The following NEK2 variants were observed in gnomAD, a reference collection of about 807,000 sequenced individuals.
NEK2 encodes serine/threonine-protein kinase Nek2.
Under a neutral mutation model 54.1 loss-of-function variants are expected in NEK2, and 28 were observed. The observed-to-expected ratio is 0.52, with a 90% confidence interval of 0.38 to 0.71. NEK2 has a LOEUF of 0.71. NEK2 is among the 30% of genes least tolerant of loss of function. The pLI is 0.00. For synonymous variants in NEK2, 176 were observed against 193.1 expected (o/e 0.91, Z 0.73); for missense variants, 407 against 531.5 (o/e 0.77, Z 2.30).
intron 7 of NEK2, 28 bp downstream of exon 7, chr1:211,667,078 C>T: frequency 6.2e-7 from 1 of 1,613,184 alleles, no homozygotes; most frequent in Non-Finnish European, 8.5e-7. Flanking sequence ...GTAGCACCAG[C>T]TTCTGTTGAC....
chr1:211,668,264 G>A (rs954652707), intron 6 of NEK2, among the ~76,000 whole-genome samples: 1 of 152,096 alleles, frequency 6.6e-6, no homozygotes, highest in Non-Finnish European at 1.5e-5. Context: ...TCACAAATAC[G>A]ACCCCATCTC....
rs56362323 is a variant in NEK2 at position 211,675,584 on chromosome 1, G to A, written c.-105C>T. On this transcript the variant is annotated 5_prime_UTR_variant, in exon 1 of 8. Coordinates refer to ENST00000366999, the MANE Select transcript of NEK2 (RefSeq NM_002497.4). ...GGGACCTGGATGGAGAAGCCCCCGAGCAGCACTGACCCGCCACCCCTGCCT... is the reference window on the plus strand; with the variant it reads ...GGGACCTGGATGGAGAAGCCCCCGAACAGCACTGACCCGCCACCCCTGCCT... 5 of 897,208 alleles carry A rather than the reference G, an allele frequency of 5.6e-6. No individual in the cohort carries two copies. The highest frequency in any genetic ancestry group is 8.9e-6 in the Non-Finnish European group (5 of 562,246). The allele number at this position is 897,208 out of a possible 1,614,324, so 55.6% of individuals were successfully genotyped here.
chr1:211,673,383 C>T, intron 3 of NEK2, 100 bp downstream of exon 3: 1 of 1,469,058 alleles, frequency 6.8e-7, no homozygotes, highest in African/African-American at 1.4e-5. Context: ...CACTGCACTC[C>T]AGCCTGGGCA....
intron 7 of NEK2, among the ~76,000 whole-genome samples, chr1:211,665,017 A>G (rs568519978): frequency 1.3e-5 from 2 of 152,350 alleles, no homozygotes; most frequent in African/African-American, 2.4e-5. Flanking sequence ...GGACAGTTTT[A>G]TAAGAAAGAA....
At chr1:211,661,277 A>G (rs1655011780), downstream of NEK2, 3 of 613,686 alleles carry the variant, frequency 4.9e-6, no homozygotes, top group East Asian at 6.6e-5. Context: ...AAAGGGCTCT[A>G]TTCCTGGATG....
chr1:211,666,798 CA>C lies in NEK2; in HGVS notation c.1111+307del, dbSNP rs902314612. The stretch of plus-strand genomic sequence containing the variant: ...TGGGCTACAGAGTGAGACTCCATCT[CA>C]AAAAAAATAAAAAAATAAATAATGA... On this transcript the variant is annotated intron_variant, in intron 7 of 7. Transcript: ENST00000366999. 318 of 771,576 alleles carry C rather than the reference CA, an allele frequency of 4.1e-4. 1 individual carries two copies. Among genetic ancestry groups the C allele is most frequent in the Middle Eastern group, 3.7e-3 (6 of 1,612 alleles). The allele number at this position is 771,576 out of a possible 1,614,324, so 47.8% of individuals were successfully genotyped here.
intron 7 of NEK2, among the ~76,000 whole-genome samples, chr1:211,664,002 T>G (rs1655096186): frequency 6.6e-6 from 1 of 152,090 alleles, no homozygotes; most frequent in Non-Finnish European, 1.5e-5. Context: ...ATAAGTGCCA[T>G]TCTATGCAGA....
rs1340540217 is a variant in NEK2, at chr1:211,668,978, T to C, written c.985+135A>G. 14 of 788,620 alleles carry C rather than the reference T, an allele frequency of 1.8e-5. No individual in the cohort carries two copies. The East Asian group carries it at 3.4e-4, about 19-fold the overall frequency. 48.9% of individuals were successfully genotyped at this position (788,620 alleles called of 1,614,324 possible). Reference sequence around the variant, plus strand: ...ATTAAAAAGTCTAAAATACATATTTTGGTTTCTCAAGTATTTTTCAAAAGC... The same window carrying C: ...ATTAAAAAGTCTAAAATACATATTTCGGTTTCTCAAGTATTTTTCAAAAGC... On this transcript the variant is annotated intron_variant, in intron 6 of 7. Transcript: ENST00000366999.
chr1:211,663,572 C>T lies in NEK2; in HGVS notation c.1192G>A (p.Glu398Lys), dbSNP rs1655081644. The T allele has an allele frequency of 6.2e-7, 1 of 1,613,880 alleles. No homozygotes were observed. The highest frequency in any genetic ancestry group is 1.1e-5 in the South Asian group (1 of 91,076). The change falls in exon 8 of 8, where the codon GAG becomes AAG. Residue 398 changes from glutamate (E) to lysine (K), a missense_variant. Physicochemically the swap from Glu to Lys is moderately conservative, Grantham distance 56. Transcript: ENST00000366999. ...GESKENIMRS[E>K]NSESQLTSKS... ...GATGTGAGCTGACTCTCAGAATTCT[C>T]ACTCCTCATGATGTTCTCTTTACTT... is the stretch of plus-strand genomic sequence containing the variant.
chr1:211,660,968 G>A (rs370170331), downstream of NEK2: 1 of 745,536 alleles, frequency 1.3e-6, no homozygotes, highest in South Asian at 1.4e-5. Flanking sequence ...AAGAAAGCTT[G>A]CAGCAGTTCC....
In NEK2 at chr1:211,669,321, T is replaced by C. The variant is rs1401501637; in HGVS notation, c.777A>G (p.Arg259=). The change falls in exon 6 of 8, where the codon CGA becomes CGG. Residue 259 remains arginine (R), a synonymous_variant. Coordinates refer to ENST00000366999, the MANE Select transcript of NEK2 (RefSeq NM_002497.4). ...TRMLNLKDYH[R]PSVEEILENP... ...TCTCAAGAATTTCTTCAACAGAAGG[T>C]CGATGGTAATCCTGGGGAAAAAATA... 6.2e-7 allele frequency: 1 copy of C among 1,613,936 alleles called. No homozygotes were observed. The highest frequency in any genetic ancestry group is 1.3e-5 in the African/African-American group (1 of 74,928).
intron 7 of NEK2, chr1:211,666,900 C>A: frequency 2.3e-6 from 3 of 1,326,918 alleles, no homozygotes; most frequent in Non-Finnish European, 2.9e-6. Flanking sequence ...TTCTATGACT[C>A]ATTGCCTCAG....
Position 211,670,426 on chromosome 1 carries a change from A to C in NEK2, c.639-19T>G. 6.3e-7 allele frequency: 1 copy of C among 1,593,848 alleles called. No homozygotes were observed. The highest frequency in any genetic ancestry group is 8.5e-7 in the Non-Finnish European group (1 of 1,173,978). The stretch of plus-strand genomic sequence containing the variant: ...TGGAGGCCTAGGGTTAAAAAAGAAG[A>C]AGAAGACGACGAAGACATTTTCAAA... On this transcript the variant is annotated intron_variant, in intron 4 of 7. Coordinates refer to ENST00000366999, the MANE Select transcript of NEK2 (RefSeq NM_002497.4).
downstream of NEK2, chr1:211,660,944 C>A: frequency 2.7e-6 from 2 of 746,272 alleles, no homozygotes; most frequent in South Asian, 2.7e-5. Flanking sequence ...TCCGTGATGT[C>A]ATCTACCACG....
rs1325481599 is a variant in NEK2 at position 211,673,708 on chromosome 1, T to C, written c.330A>G (p.Glu110=). Residue 110 remains glutamate, a synonymous_variant, in exon 3 of 8, where the codon GAA becomes GAG. Transcript: ENST00000366999. The part of the protein sequence containing the change: ...KGTKERQYLD[E]EFVLRVMTQL... ...GAGTCATCACTCGAAGAACAAACTC[T>C]TCATCTAAGTATTGCCTAAAACCAA... The C allele has an allele frequency of 6.2e-7, 1 of 1,614,054 alleles. No homozygotes were observed. Among genetic ancestry groups the C allele is most frequent in the Non-Finnish European group, 8.5e-7 (1 of 1,179,922 alleles).
Position 211,671,230 on chromosome 1 carries a change from A to G in NEK2, c.610T>C (p.Cys204Arg), listed in dbSNP as rs2102445251. The change falls in exon 4 of 8, where the codon TGC becomes CGC. Residue 204 changes from cysteine (C) to arginine (R), a missense_variant. By Grantham distance (180) the Cys-to-Arg change is radical. Coordinates refer to ENST00000366999, the MANE Select transcript of NEK2 (RefSeq NM_002497.4). Reference sequence around the variant, plus strand: ...AATGCACATAACTCATACAGCAAGCAGCCCAATGACCAGATATCTGATTTC... The same window carrying G: ...AATGCACATAACTCATACAGCAAGCGGCCCAATGACCAGATATCTGATTTC... Reference protein sequence around the residue: ...NEKSDIWSLGCLLYELCALMP... With the variant: ...NEKSDIWSLGRLLYELCALMP... 1.2e-6 allele frequency: 2 copies of G among 1,613,568 alleles called. No individual in the cohort carries two copies. Among genetic ancestry groups the G allele is most frequent in the Non-Finnish European group, 1.7e-6 (2 of 1,179,536 alleles).
Position 211,673,523 on chromosome 1 carries a change from A to G in NEK2, c.515T>C (p.Phe172Ser), listed in dbSNP as rs770518324. Reference sequence around the variant, plus strand: ...AGGTGTGCCAACAAATGTTTTTGCAAAACTCGTGTCATGGTTTAATATTCT... The same window carrying G: ...AGGTGTGCCAACAAATGTTTTTGCAGAACTCGTGTCATGGTTTAATATTCT... ...LARILNHDTS[F>S]AKTFVGTPYY... Residue 172 changes from phenylalanine to serine, a missense_variant, in exon 3 of 8, where the codon TTT (phenylalanine) becomes TCT (serine). By Grantham distance (155) the Phe-to-Ser change is radical. Coordinates refer to ENST00000366999, the MANE Select transcript of NEK2 (RefSeq NM_002497.4). 1 of 1,614,040 alleles carries G rather than the reference A, an allele frequency of 6.2e-7. No individual in the cohort carries two copies. The highest frequency in any genetic ancestry group is 1.7e-5 in the Admixed American group (1 of 60,014).
intron 2 of NEK2, 46 bp downstream of exon 2, chr1:211,674,250 G>A: frequency 6.7e-7 from 1 of 1,491,154 alleles, no homozygotes; most frequent in South Asian, 1.2e-5. Flanking sequence ...TAAAATAAAT[G>A]AAACTAGACC....
downstream of NEK2, among the ~76,000 whole-genome samples, chr1:211,659,933 T>C (rs1654974757): frequency 6.6e-6 from 1 of 150,624 alleles, no homozygotes; most frequent in African/African-American, 2.4e-5. Flanking sequence ...ACAATCCTCC[T>C]GCCTCAGCCT....
Sources: allele counts gnomAD v4.1 joint callset (sites outside exome capture counted in the v4.1 genomes callset), GRCh38; gene constraint gnomAD v4.1.1; transcripts MANE v1.5; gene names NCBI Gene and HGNC (gene_info 2026-07-23, HGNC 2026-07-21).